GRID2: variants seen among roughly 807,000 people sequenced by gnomAD.
The protein encoded by GRID2 is glutamate receptor ionotropic, delta-2.
In GRID2, 33 loss-of-function variants were observed where a neutral mutation model predicts 114.8. The ratio of observed to expected loss-of-function variants is 0.29; its 90% CI spans 0.22 to 0.38. GRID2 has a LOEUF of 0.38. GRID2 is among the 10% of genes least tolerant of loss of function. The pLI is 1.00. For missense variants in GRID2, 1,184 were observed against 1,257.7 expected, an observed-to-expected ratio of 0.94 and a Z score of 0.89; for synonymous variants, 505 against 449.9, an observed-to-expected ratio of 1.12 and a Z score of -1.55.
At chr4:93,037,797 A>G (rs1443397717) in intron 2 of GRID2, among the ~76,000 whole-genome samples, 2 of 152,072 alleles carry the variant, frequency 1.3e-5, no homozygotes, top group Non-Finnish European at 2.9e-5. Flanking sequence ...CTATTGGTCT[A>G]TATCTGTTTT....
At position 92,645,218 on chromosome 4, in the gene GRID2, TA is replaced by T. The variant is rs559332368; in HGVS notation, c.244+54934del. Among the ~76,000 whole-genome samples the T allele has an allele frequency of 1.0e-3, 154 of 151,838 alleles. No homozygotes were observed. The Middle Eastern group carries it at 0.01, about 10-fold the overall frequency. ...TCATATTGTTAGAAGTTGATAGGCT[TA>T]ATTCCATGTGTGTCTTTTCTTTTTC... On this transcript the variant is annotated intron_variant, in intron 2 of 15. Coordinates refer to ENST00000282020, the MANE Select transcript of GRID2 (RefSeq NM_001510.4).
chr4:92,531,812 T>C (rs567844562), intron 1 of GRID2, among the ~76,000 whole-genome samples: 9 of 152,216 alleles, frequency 5.9e-5, no homozygotes, highest in Non-Finnish European at 1.3e-4. Context: ...TTTAAACTTA[T>C]CTTTCAGTAG....
At chr4:92,886,355 A>G (rs1202297164) in intron 2 of GRID2, among the ~76,000 whole-genome samples, 1 of 152,256 alleles carries the variant, frequency 6.6e-6, no homozygotes, top group South Asian at 2.1e-4. Flanking sequence ...ACCAAATGTG[A>G]CACAAAAACA....
chr4:93,490,149 T>C (rs531482795), intron 11 of GRID2, among the ~76,000 whole-genome samples: 1 of 152,004 alleles, frequency 6.6e-6, no homozygotes, highest in East Asian at 1.9e-4. Flanking sequence ...ACAAAGCAAG[T>C]ATGTGATGCT....
At chr4:93,613,072 T>C (rs1045883921) in intron 13 of GRID2, among the ~76,000 whole-genome samples, 2 of 135,140 alleles carry the variant, frequency 1.5e-5, no homozygotes, top group Non-Finnish European at 1.6e-5. Context: ...TCATCTTCCA[T>C]TGCTGATACC....
At chr4:93,598,222 C>A (rs1382019615) in intron 13 of GRID2, among the ~76,000 whole-genome samples, 1 of 152,138 alleles carries the variant, frequency 6.6e-6, no homozygotes, top group Non-Finnish European at 1.5e-5. Context: ...GTTCTTAGAT[C>A]CAAATGATAT....
chr4:93,440,073 G>C (rs1721481186), intron 10 of GRID2, among the ~76,000 whole-genome samples: 1 of 152,038 alleles, frequency 6.6e-6, no homozygotes, highest in Non-Finnish European at 1.5e-5. Flanking sequence ...CACCCACTGG[G>C]ATCAGGAGAA....
intron 2 of GRID2, among the ~76,000 whole-genome samples, chr4:92,952,237 G>C (rs899451586): frequency 1.3e-5 from 2 of 152,052 alleles, no homozygotes; most frequent in African/African-American, 4.8e-5. Flanking sequence ...ATTCTGATAG[G>C]TAAACATGTT....
At chr4:92,480,550 A>G (rs1264029588) in intron 1 of GRID2, among the ~76,000 whole-genome samples, 1 of 152,036 alleles carries the variant, frequency 6.6e-6, no homozygotes, top group Non-Finnish European at 1.5e-5. Flanking sequence ...ACAGAAATGT[A>G]TTCTCTCACA....
chr4:93,116,888 G>A (rs537535167), intron 4 of GRID2, among the ~76,000 whole-genome samples: 4 of 152,026 alleles, frequency 2.6e-5, no homozygotes, highest in African/African-American at 7.2e-5. Context: ...AAATAGAAAT[G>A]CATAAAACCA....
chr4:92,943,623 G>A (rs1248383630), intron 2 of GRID2, among the ~76,000 whole-genome samples: 3 of 152,196 alleles, frequency 2.0e-5, no homozygotes, highest in Non-Finnish European at 4.4e-5. Flanking sequence ...TGCTGGTGAG[G>A]AGCTGCATTC....
chr4:92,578,365 A>T (rs6829016), intron 1 of GRID2, among the ~76,000 whole-genome samples: 58,339 of 144,328 alleles, frequency 0.4, 11,820 homozygotes, highest in African/African-American at 0.48. Flanking sequence ...GAGAACATGA[A>T]GTGTTTGGTT....
In GRID2 at chr4:92,730,524, C is replaced by T. The variant is rs891657942; in HGVS notation, c.244+140238C>T. ...TGTAGCCATTTTCTTTATGTATTTA[C>T]AATATGATCTCAAACTTGTATAAAT... On this transcript the variant is annotated intron_variant, in intron 2 of 15. Coordinates refer to ENST00000282020, the MANE Select transcript of GRID2 (RefSeq NM_001510.4). Among the ~76,000 whole-genome samples the T allele has an allele frequency of 2.6e-5, 4 of 151,874 alleles. No homozygotes were observed. The East Asian group carries it at 7.7e-4, about 29-fold the overall frequency.
rs147533286 is a variant in GRID2 at position 92,653,722 on chromosome 4, G to A, written c.244+63436G>A. Reference sequence around the variant, plus strand: ...AATAGTGAGCCAGCAGATTTGGGTGGGAACAACATCTTCACTATTTCAGAC... The same window carrying A: ...AATAGTGAGCCAGCAGATTTGGGTGAGAACAACATCTTCACTATTTCAGAC... On this transcript the variant is annotated intron_variant, in intron 2 of 15. Coordinates refer to ENST00000282020, the MANE Select transcript of GRID2 (RefSeq NM_001510.4). 8.5e-5 allele frequency among the ~76,000 whole-genome samples: 13 copies of A among 152,114 alleles called. No individual in the cohort carries two copies. The East Asian group carries it at 2.1e-3, about 25-fold the overall frequency.
chr4:93,535,778 T>G (rs1387114408), intron 13 of GRID2, among the ~76,000 whole-genome samples: 2 of 152,078 alleles, frequency 1.3e-5, no homozygotes, highest in East Asian at 3.9e-4. Context: ...TTTGAGTTCC[T>G]TATATATTTT....
chr4:92,422,673 C>T (rs1434262067), intron 1 of GRID2, among the ~76,000 whole-genome samples: 2 of 152,034 alleles, frequency 1.3e-5, no homozygotes, highest in African/African-American at 4.8e-5. Context: ...CCATCAAGTG[C>T]AAGGTCTGCA....
intron 2 of GRID2, among the ~76,000 whole-genome samples, chr4:92,946,336 C>G (rs1751629906): frequency 6.6e-6 from 1 of 151,692 alleles, no homozygotes; most frequent in South Asian, 2.1e-4. Context: ...TTTTCTTTAC[C>G]CACTCTTCTC....
intron 14 of GRID2, among the ~76,000 whole-genome samples, chr4:93,723,383 G>T (rs1262179724): frequency 1.3e-5 from 2 of 152,168 alleles, no homozygotes; most frequent in Non-Finnish European, 2.9e-5. Context: ...TTAAACAGCT[G>T]CATTTTACAG....
At chr4:93,623,301 C>T (rs915915144) in intron 13 of GRID2, among the ~76,000 whole-genome samples, 5 of 146,820 alleles carry the variant, frequency 3.4e-5, no homozygotes, top group Admixed American at 2.8e-4. Context: ...TGCTATCTCT[C>T]CCCTAGCCCC....
Sources: allele counts gnomAD v4.1 joint callset (sites outside exome capture counted in the v4.1 genomes callset), GRCh38; gene constraint gnomAD v4.1.1; transcripts MANE v1.5; gene names NCBI Gene and HGNC (gene_info 2026-07-23, HGNC 2026-07-21).